SPHKAP: variants seen among roughly 807,000 people sequenced by gnomAD.
SPHKAP encodes the protein A-kinase anchor protein SPHKAP.
A neutral mutation model predicts 137.5 loss-of-function variants in SPHKAP; 67 were observed. That is an observed-to-expected ratio of 0.49 (90% CI 0.40 to 0.60). The LOEUF (loss-of-function observed/expected upper bound fraction) is 0.60. Ranked by LOEUF, SPHKAP falls within the 20% of genes least tolerant of loss-of-function variation. SPHKAP has a pLI of 0.00. For synonymous variants in SPHKAP, 813 were observed against 785.3 expected (o/e 1.04, Z -0.59); for missense variants, 2,097 against 2,069.3 (o/e 1.01, Z -0.26).
intron 7 of SPHKAP, among the ~76,000 whole-genome samples, chr2:228,012,960 A>G (rs1339566045): frequency 6.6e-6 from 1 of 152,182 alleles, no homozygotes; most frequent in Non-Finnish European, 1.5e-5. Context: ...AACTTTTTTT[A>G]AAGTAAGAAT....
intron 3 of SPHKAP, among the ~76,000 whole-genome samples, chr2:228,104,776 T>C (rs1351539073): frequency 6.6e-6 from 1 of 152,192 alleles, no homozygotes; most frequent in African/African-American, 2.4e-5. Context: ...GGATGATAGC[T>C]GGTAGTCTTC....
intron 3 of SPHKAP, among the ~76,000 whole-genome samples, chr2:228,061,408 C>T (rs1696628325): frequency 6.6e-6 from 1 of 151,916 alleles, no homozygotes; most frequent in Non-Finnish European, 1.5e-5. Context: ...GAACTACTAA[C>T]TACTGGTGTG....
intron 3 of SPHKAP, among the ~76,000 whole-genome samples, chr2:228,037,958 A>C (rs559758626): frequency 1.4e-4 from 22 of 152,342 alleles, no homozygotes; most frequent in African/African-American, 5.3e-4. Flanking sequence ...TTAAGCAACC[A>C]CTAATGCTGA....
intron 3 of SPHKAP, among the ~76,000 whole-genome samples, chr2:228,030,595 A>T (rs1695270597): frequency 6.6e-6 from 1 of 150,920 alleles, no homozygotes; most frequent in South Asian, 2.1e-4. Context: ...TGTGAGACTG[A>T]ATATTTACTT....
At chr2:228,164,302 C>A (rs1200897966) in intron 1 of SPHKAP, among the ~76,000 whole-genome samples, 1 of 152,168 alleles carries the variant, frequency 6.6e-6, no homozygotes, top group Non-Finnish European at 1.5e-5. Flanking sequence ...CAGACTTTGA[C>A]TGAGCCACTA....
chr2:228,045,238 C>T (rs1179413973), intron 3 of SPHKAP, among the ~76,000 whole-genome samples: 1 of 150,850 alleles, frequency 6.6e-6, no homozygotes, highest in Non-Finnish European at 1.5e-5. Flanking sequence ...CCCAGCCATC[C>T]CATTACTGGG....
At chr2:227,986,888 T>G (rs1040863264) in intron 11 of SPHKAP, among the ~76,000 whole-genome samples, 2 of 152,192 alleles carry the variant, frequency 1.3e-5, no homozygotes, top group African/African-American at 4.8e-5. Flanking sequence ...AGAGCAATGA[T>G]CTTTGGATCT....
intron 3 of SPHKAP, among the ~76,000 whole-genome samples, chr2:228,030,536 CAAAAAACA>C (rs1695262375): frequency 2.4e-5 from 1 of 41,896 alleles, no homozygotes; most frequent in Non-Finnish European, 4.4e-5. Context: ...AAAAAAACAA[CAAAAAACA>C]AAAAAAAAAA....
chr2:228,003,880 G>A (rs199960126), intron 7 of SPHKAP, among the ~76,000 whole-genome samples: 18 of 152,186 alleles, frequency 1.2e-4, no homozygotes, highest in African/African-American at 4.1e-4. Flanking sequence ...ATTTGCGTAT[G>A]TTGAACCAGC....
At chr2:228,149,929 C>T (rs1407665005) in intron 1 of SPHKAP, among the ~76,000 whole-genome samples, 1 of 152,052 alleles carries the variant, frequency 6.6e-6, no homozygotes, top group Non-Finnish European at 1.5e-5. Flanking sequence ...GTTTGTTTCT[C>T]ATTTTTGCTT....
intron 3 of SPHKAP, among the ~76,000 whole-genome samples, chr2:228,081,494 T>C (rs1274059290): frequency 6.6e-6 from 1 of 152,188 alleles, no homozygotes; most frequent in Non-Finnish European, 1.5e-5. Context: ...TACCTGCAAT[T>C]CCATGTTTAT....
chr2:228,069,663 A>T (rs1696946911), intron 3 of SPHKAP, among the ~76,000 whole-genome samples: 2 of 152,058 alleles, frequency 1.3e-5, no homozygotes, highest in African/African-American at 4.8e-5. Flanking sequence ...GTTTGTAAAC[A>T]ACTGAAATGA....
At chr2:228,034,680 C>T (rs1695509198) in intron 3 of SPHKAP, among the ~76,000 whole-genome samples, 1 of 152,182 alleles carries the variant, frequency 6.6e-6, no homozygotes, top group Non-Finnish European at 1.5e-5. Flanking sequence ...AGCTTATCCA[C>T]CATGATCAAG....
intron 2 of SPHKAP, among the ~76,000 whole-genome samples, chr2:228,128,457 C>A (rs1426616902): frequency 6.6e-6 from 1 of 152,066 alleles, no homozygotes; most frequent in Non-Finnish European, 1.5e-5. Flanking sequence ...ATGCATTGAA[C>A]CCTTCAGTCA....
At chr2:228,144,924 C>T (rs1017329354) in intron 1 of SPHKAP, among the ~76,000 whole-genome samples, 1 of 152,192 alleles carries the variant, frequency 6.6e-6, no homozygotes, top group Non-Finnish European at 1.5e-5. Context: ...CCAAAGATAA[C>T]ATCCCACGGC....
At chr2:227,984,312 A>G (rs1693129558) in intron 11 of SPHKAP, among the ~76,000 whole-genome samples, 1 of 151,538 alleles carries the variant, frequency 6.6e-6, no homozygotes. Context: ...AAAAAAAAAA[A>G]AAAAAAGAAA....
intron 7 of SPHKAP, among the ~76,000 whole-genome samples, chr2:227,999,658 C>G (rs1693775020): frequency 6.6e-6 from 1 of 152,218 alleles, no homozygotes; most frequent in South Asian, 2.1e-4. Flanking sequence ...TTTATCTCAA[C>G]TTCATGCTCT....
intron 2 of SPHKAP, among the ~76,000 whole-genome samples, chr2:228,124,178 G>A (rs533612560): frequency 6.6e-6 from 1 of 152,176 alleles, no homozygotes; most frequent in African/African-American, 2.4e-5. Flanking sequence ...CAGTGTGGCA[G>A]TTCCTCAGGG....
At chr2:228,180,488 T>G (rs1007916442) in intron 1 of SPHKAP, among the ~76,000 whole-genome samples, 1 of 151,764 alleles carries the variant, frequency 6.6e-6, no homozygotes, top group Non-Finnish European at 1.5e-5. Context: ...GAATCCGAAC[T>G]TAAAGTGTTT....
Sources: gnomAD v4.1 joint callset for allele counts (sites outside exome capture counted in the v4.1 genomes callset) on GRCh38, gnomAD v4.1.1 for gene constraint, MANE v1.5 for transcripts, NCBI Gene and HGNC (gene_info 2026-07-23, HGNC 2026-07-21) for gene names.